Variants in ZCWPW2 observed in about 807,000 individuals in gnomAD.
ZCWPW2 encodes the protein zinc finger CW-type PWWP domain protein 2.
Under a neutral mutation model 46.6 loss-of-function variants are expected in ZCWPW2, and 45 were observed. The ratio of observed to expected loss-of-function variants is 0.96; its 90% confidence interval spans 0.76 to 1.24. ZCWPW2 has a LOEUF of 1.24. Among genes scored for constraint, ZCWPW2 ranks in the 50% most tolerant of loss-of-function variants. The pLI is 0.00. For missense variants in ZCWPW2, 429 were observed against 403.9 expected, an observed-to-expected ratio of 1.06 and a Z score of -0.53; for synonymous variants, 152 against 137.1, an observed-to-expected ratio of 1.11 and a Z score of -0.76.
At chr3:28,500,717 G>T (rs1700118399) in intron 6 of ZCWPW2, among the ~76,000 whole-genome samples, 1 of 152,136 alleles carries the variant, frequency 6.6e-6, no homozygotes, top group Admixed American at 6.6e-5. Flanking sequence ...CTGGATATTT[G>T]TGGTAATTGC....
chr3:28,439,548 A>G (rs1055875393), intron 4 of ZCWPW2, among the ~76,000 whole-genome samples: 6 of 152,094 alleles, frequency 3.9e-5, no homozygotes, highest in Non-Finnish European at 8.8e-5. Flanking sequence ...CTCAGTATTA[A>G]CCATCACAAG....
At chr3:28,387,343 T>C (rs1391700194) in intron 1 of ZCWPW2, among the ~76,000 whole-genome samples, 1 of 152,126 alleles carries the variant, frequency 6.6e-6, no homozygotes, top group Non-Finnish European at 1.5e-5. Flanking sequence ...GAGGGTACTA[T>C]TTTTTTAAAA....
chr3:28,351,155 T>TA (rs1316286991), intron 1 of ZCWPW2, among the ~76,000 whole-genome samples: 1 of 150,958 alleles, frequency 6.6e-6, no homozygotes, highest in Non-Finnish European at 1.5e-5. Context: ...TATATATATA[T>TA]TTTTTAGAAT....
At chr3:28,386,067 A>G (rs919764753) in intron 1 of ZCWPW2, among the ~76,000 whole-genome samples, 2 of 151,850 alleles carry the variant, frequency 1.3e-5, no homozygotes, top group Admixed American at 1.3e-4. Context: ...GTTGATTGTT[A>G]TAAACTGAAT....
intron 2 of ZCWPW2, among the ~76,000 whole-genome samples, chr3:28,397,512 A>C (rs1695749115): frequency 6.6e-6 from 1 of 152,078 alleles, no homozygotes; most frequent in African/African-American, 2.4e-5. Context: ...TCTACTAAAA[A>C]TCCAAAACTT....
chr3:28,428,726 C>T (rs1475533672), intron 3 of ZCWPW2, among the ~76,000 whole-genome samples: 1 of 152,056 alleles, frequency 6.6e-6, no homozygotes, highest in African/African-American at 2.4e-5. Flanking sequence ...GAGCAATTCC[C>T]CCATGCTGTT....
At chr3:28,357,845 C>T (rs528637459) in intron 1 of ZCWPW2, among the ~76,000 whole-genome samples, 18 of 144,502 alleles carry the variant, frequency 1.2e-4, no homozygotes, top group African/African-American at 3.9e-4. Context: ...ATCTGTGCAT[C>T]CTATTGGTTC....
At chr3:28,396,479 A>G (rs1227617916) in intron 2 of ZCWPW2, among the ~76,000 whole-genome samples, 1 of 152,204 alleles carries the variant, frequency 6.6e-6, no homozygotes, top group Non-Finnish European at 1.5e-5. Context: ...AAAACACATT[A>G]TATGTTCAGT....
intron 6 of ZCWPW2, among the ~76,000 whole-genome samples, chr3:28,498,020 A>G (rs942292621): frequency 1.3e-5 from 2 of 152,070 alleles, no homozygotes; most frequent in Non-Finnish European, 2.9e-5. Flanking sequence ...TAAGATATTT[A>G]CAACAGCTCA....
intron 1 of ZCWPW2, among the ~76,000 whole-genome samples, chr3:28,387,648 T>A (rs555277085): frequency 6.6e-6 from 1 of 152,298 alleles, no homozygotes; most frequent in Admixed American, 6.5e-5. Flanking sequence ...TCTATCTGAA[T>A]CATTTAAGAG....
chr3:28,464,661 GAGA>G (rs1041923774), intron 4 of ZCWPW2, among the ~76,000 whole-genome samples: 7 of 152,172 alleles, frequency 4.6e-5, no homozygotes, highest in Admixed American at 2.0e-4. Context: ...CATAGTGGGG[GAGA>G]AGAAGAAGCA....
chr3:28,424,012 C>T (rs1447496420), intron 3 of ZCWPW2, among the ~76,000 whole-genome samples: 1 of 152,022 alleles, frequency 6.6e-6, no homozygotes, highest in Admixed American at 6.6e-5. Context: ...GTTGCCCTAC[C>T]TGTATTTATG....
chr3:28,352,475 G>A (rs965324752), intron 1 of ZCWPW2, among the ~76,000 whole-genome samples: 6 of 152,014 alleles, frequency 3.9e-5, no homozygotes, highest in Middle Eastern at 3.4e-3. Context: ...CAAATATGGG[G>A]ATACCTTATC....
chr3:28,421,878 T>TGTG (rs1696807686), intron 3 of ZCWPW2, among the ~76,000 whole-genome samples: 1 of 79,752 alleles, frequency 1.3e-5, no homozygotes, highest in East Asian at 5.7e-4. Flanking sequence ...GTGTGTGTGT[T>TGTG]TAGCTTCTTT....
intron 6 of ZCWPW2, chr3:28,510,982 G>T (rs1210180848): frequency 1.6e-5 from 7 of 446,410 alleles, no homozygotes; most frequent in Admixed American, 1.5e-4. Context: ...CTACCACCTG[G>T]TAGCTACATT....
chr3:28,426,295 G>A (rs992538333), intron 3 of ZCWPW2, among the ~76,000 whole-genome samples: 2 of 151,358 alleles, frequency 1.3e-5, no homozygotes, highest in Non-Finnish European at 2.9e-5. Flanking sequence ...GAAGAGTCTG[G>A]ACTCTTTAGA....
intron 4 of ZCWPW2, chr3:28,448,095 A>G (rs921250776): frequency 4.5e-6 from 1 of 222,784 alleles, no homozygotes; most frequent in Admixed American, 5.0e-5. Flanking sequence ...AGCTTTTTTT[A>G]AGGGTAATAA....
intron 4 of ZCWPW2, among the ~76,000 whole-genome samples, chr3:28,454,168 A>C (rs1321781992): frequency 1.3e-5 from 2 of 152,242 alleles, no homozygotes; most frequent in East Asian, 3.9e-4. Flanking sequence ...ATAATTGTAT[A>C]TATTGTTTAT....
At chr3:28,460,056 A>G (rs914074899) in intron 4 of ZCWPW2, among the ~76,000 whole-genome samples, 2 of 152,122 alleles carry the variant, frequency 1.3e-5, no homozygotes, top group Non-Finnish European at 2.9e-5. Context: ...TGTTGCAGGG[A>G]GTACCCAGTT....
Sources: gnomAD v4.1 joint callset for allele counts (sites outside exome capture counted in the v4.1 genomes callset) on GRCh38, gnomAD v4.1.1 for gene constraint, MANE v1.5 for transcripts, NCBI Gene and HGNC (gene_info 2026-07-23, HGNC 2026-07-21) for gene names.